MRPL10: variants seen among roughly 807,000 people sequenced by gnomAD.
MRPL10 encodes mitochondrial ribosomal protein L10, also known as large ribosomal subunit protein uL10m.
In MRPL10, 14 loss-of-function variants were observed where a neutral mutation model predicts 19.8. The ratio of observed to expected loss-of-function variants is 0.71; its 90% CI spans 0.47 to 1.11. The LOEUF is 1.11. MRPL10 is among the 50% of genes least tolerant of loss of function. The pLI is 0.00. For synonymous variants in MRPL10, 129 were observed against 139.2 expected, an observed-to-expected ratio of 0.93 and a Z score of 0.52; for missense variants, 318 against 339.6, an observed-to-expected ratio of 0.94 and a Z score of 0.50.
At position 47,824,142 on chromosome 17, in the gene MRPL10, T is replaced by G; in HGVS notation, c.*63A>C. 3 of 1,604,352 alleles carry G rather than the reference T, an allele frequency of 1.9e-6. No homozygotes were observed. Among genetic ancestry groups the G allele is most frequent in the Non-Finnish European group, 2.6e-6 (3 of 1,173,804 alleles). Reference sequence around the variant, plus strand: ...ACCCCAAGTTCTTCCACATGTCCCATTGAGGAGAGCACAGCCAATAACGCA... The same window carrying G: ...ACCCCAAGTTCTTCCACATGTCCCAGTGAGGAGAGCACAGCCAATAACGCA... On this transcript the variant is annotated 3_prime_UTR_variant, in exon 5 of 5. Coordinates refer to ENST00000351111, the MANE Select transcript of MRPL10 (RefSeq NM_145255.4).
chr17:47,830,067 C>T (rs1031809094), intron 1 of MRPL10, among the ~76,000 whole-genome samples: 4 of 152,188 alleles, frequency 2.6e-5, no homozygotes, highest in African/African-American at 9.7e-5. Flanking sequence ...AAATAGTGTT[C>T]TAACAAGCCC....
intron 2 of MRPL10, among the ~76,000 whole-genome samples, chr17:47,827,460 G>C (rs186293146): frequency 6.6e-6 from 1 of 152,090 alleles, no homozygotes; most frequent in Non-Finnish European, 1.5e-5. Context: ...CCACTCCCCC[G>C]AAAACAGGCC....
chr17:47,828,874 T>G (rs2033579746), intron 1 of MRPL10, among the ~76,000 whole-genome samples: 1 of 152,238 alleles, frequency 6.6e-6, no homozygotes, highest in South Asian at 2.1e-4. Context: ...GGTCAATTAC[T>G]TAATCTCTTG....
chr17:47,831,367 A>G lies in MRPL10; in HGVS notation c.52+93T>C, dbSNP rs746739572. 5 of 1,542,032 alleles carry G rather than the reference A, an allele frequency of 3.2e-6. No homozygotes were observed. The South Asian group carries it at 4.8e-5, about 15-fold the overall frequency. On this transcript the variant is annotated intron_variant, in intron 1 of 4. Transcript: ENST00000351111. ...GGAGGCCAGCGATCTAGCTGGGGTC[A>G]GAGATTATGGGAAGAATCAGTAGTA... is the stretch of plus-strand genomic sequence containing the variant.
chr17:47,830,988 G>C (rs867043653), intron 1 of MRPL10, among the ~76,000 whole-genome samples: 1 of 152,330 alleles, frequency 6.6e-6, no homozygotes, highest in South Asian at 2.1e-4. Flanking sequence ...AGTTATCACA[G>C]TGCCTGGCCT....
rs2143581264 is a variant in MRPL10, at chr17:47,824,112, C to T, written c.*93G>A. 2 of 1,554,444 alleles carry T rather than the reference C, an allele frequency of 1.3e-6. 1 individual carries two copies. Among genetic ancestry groups the T allele is most frequent in the South Asian group, 2.3e-5 (2 of 85,320 alleles). On this transcript the variant is annotated 3_prime_UTR_variant, in exon 5 of 5. Coordinates refer to ENST00000351111, the MANE Select transcript of MRPL10 (RefSeq NM_145255.4). ...GTGAAAACCAAGTGACAAACACACT[C>T]CCCGACCCCAAGTTCTTCCACATGT...
chr17:47,825,497 C>T (rs754904677), intron 4 of MRPL10, among the ~76,000 whole-genome samples: 6 of 152,054 alleles, frequency 3.9e-5, no homozygotes, highest in Non-Finnish European at 5.9e-5. Context: ...TGGTGGCATG[C>T]GCCTGTAGTC....
chr17:47,827,806 A>T (rs945425628), intron 2 of MRPL10, among the ~76,000 whole-genome samples: 5 of 146,928 alleles, frequency 3.4e-5, no homozygotes, highest in African/African-American at 1.3e-4. Flanking sequence ...GCTGAGGCAG[A>T]GAATCGCTTG....
rs1193389560 is a variant in MRPL10, at chr17:47,828,669, G to T, written c.54C>A (p.Gly18=). ...MLRGGLLPQA[G]RLPTLQTVRY... is the part of the protein sequence containing the mutation. ...GGACAGTCTGGAGGGTAGGCAGCCG[G>T]CCTGGGAGGGCATATAGCAACATGG... Residue 18 remains glycine (G), a splice_region_variant and synonymous_variant, in exon 2 of 5, where the codon GGC becomes GGA. Coordinates refer to ENST00000351111, the MANE Select transcript of MRPL10 (RefSeq NM_145255.4). 1.3e-6 allele frequency: 2 copies of T among 1,511,380 alleles called. No individual in the cohort carries two copies. Among genetic ancestry groups the T allele is most frequent in the Non-Finnish European group, 1.8e-6 (2 of 1,141,940 alleles). The allele number at this position is 1,511,380 out of a possible 1,614,324, so 93.6% of individuals were successfully genotyped here.
At chr17:47,830,479 C>T (rs1567951663) in intron 1 of MRPL10, among the ~76,000 whole-genome samples, 1 of 151,618 alleles carries the variant, frequency 6.6e-6, no homozygotes, top group Admixed American at 6.6e-5. Flanking sequence ...GTTAAGACTG[C>T]AGGCAGGCTT....
rs1479334355 is a variant in MRPL10 at position 47,824,265 on chromosome 17, C to G, written c.726G>C (p.Glu242Asp). 1.9e-6 allele frequency: 3 copies of G among 1,614,056 alleles called. No individual in the cohort carries two copies. The highest frequency in any genetic ancestry group is 2.5e-6 in the Non-Finnish European group (3 of 1,180,046). The change falls in exon 5 of 5, where the codon GAG becomes GAC. Residue 242 changes from glutamate (E) to aspartate (D), a missense_variant. By Grantham distance (45) the Glu-to-Asp change is conservative. Coordinates refer to ENST00000351111, the MANE Select transcript of MRPL10 (RefSeq NM_145255.4). ...CATTGGCCGACATGACAGAATCCTT[C>G]TCGCGTTGCTCTCTGATGTACTGGT... is the stretch of plus-strand genomic sequence containing the variant. ...LLDQYIREQR[E>D]KDSVMSANGK...
rs759248414 is a variant in MRPL10 at position 47,824,470 on chromosome 17, C to T, written c.533-12G>A. 1.3e-6 allele frequency: 2 copies of T among 1,524,158 alleles called. No homozygotes were observed. Among genetic ancestry groups the T allele is most frequent in the Non-Finnish European group, 1.8e-6 (2 of 1,138,344 alleles). 94.4% of individuals were successfully genotyped at this position (1,524,158 alleles called of 1,614,324 possible). A position where few individuals can be genotyped will look rare whatever the true frequency, so the allele number is the denominator to read the frequency against. Reference sequence around the variant, plus strand: ...ATCAATGCAGCCACCTGGAAGAACACAGGGTCAGTTAGGCTCCTTGCAGAT... The same window carrying T: ...ATCAATGCAGCCACCTGGAAGAACATAGGGTCAGTTAGGCTCCTTGCAGAT... On this transcript the variant is annotated splice_polypyrimidine_tract_variant and intron_variant, in intron 4 of 4. Coordinates refer to ENST00000351111, the MANE Select transcript of MRPL10 (RefSeq NM_145255.4).
In MRPL10 at chr17:47,824,237, T is replaced by C; in HGVS notation, c.754A>G (p.Lys252Glu). 1 of 1,614,162 alleles carries C rather than the reference T, an allele frequency of 6.2e-7. No homozygotes were observed. Among genetic ancestry groups the C allele is most frequent in the Non-Finnish European group, 8.5e-7 (1 of 1,180,014 alleles). Residue 252 changes from lysine to glutamate, a missense_variant, in exon 5 of 5, where the codon AAG (lysine) becomes GAG (glutamate). Physicochemically the swap from Lys to Glu is moderately conservative, Grantham distance 56 (BLOSUM62 1). Coordinates refer to ENST00000351111, the MANE Select transcript of MRPL10 (RefSeq NM_145255.4). ...EKDSVMSANGKPDPDTVPDS is the reference protein window; with the variant it reads ...EKDSVMSANGEPDPDTVPDS ...TCCGGAACAGTGTCAGGATCTGGCT[T>C]CCCATTGGCCGACATGACAGAATCC... is the stretch of plus-strand genomic sequence containing the variant.
intron 2 of MRPL10, 98 bp from the exon 3 acceptor site, chr17:47,827,302 C>A: frequency 9.6e-7 from 1 of 1,044,402 alleles, no homozygotes; most frequent in Admixed American, 2.7e-5. Context: ...CAGTGATGTC[C>A]AGATGTGCAA....
intron 4 of MRPL10, among the ~76,000 whole-genome samples, chr17:47,824,803 CAGG>C (rs1469990975): frequency 6.6e-6 from 1 of 151,968 alleles, no homozygotes; most frequent in Admixed American, 6.6e-5. Context: ...CACCTGAGGT[CAGG>C]AGTTCAAGAC....
chr17:47,828,691 A>G, intron 1 of MRPL10, 21 bp from the exon 2 acceptor site: 2 of 1,503,770 alleles, frequency 1.3e-6, no homozygotes, highest in East Asian at 5.4e-5. Flanking sequence ...ATATAGCAAC[A>G]TGGTTAGAGG....
At chr17:47,826,526 C>T in intron 4 of MRPL10, 111 bp downstream of exon 4, 9 of 1,361,572 alleles carry the variant, frequency 6.6e-6, no homozygotes, top group South Asian at 2.6e-5. Flanking sequence ...AGGCTCCATC[C>T]GTGAAAGGAT....
At chr17:47,829,710 G>A (rs2033594041) in intron 1 of MRPL10, 1 of 152,216 alleles carries the variant, frequency 6.6e-6, no homozygotes, top group Non-Finnish European at 1.5e-5. Context: ...CCAACATGGT[G>A]AAACCCCGTC....
chr17:47,831,494 C>G lies in MRPL10; in HGVS notation c.18G>C (p.Ala6=). Residue 6 remains alanine, a synonymous_variant, in exon 1 of 5, where the codon GCG becomes GCC. Transcript: ENST00000351111. ...GCAGGAGACCCCCTCGCAGCATCCC[C>G]GCCACGGCCGCAGCCATCTCCACCG... MAAAV[A]GMLRGGLLPQ... 1 of 1,550,062 alleles carries G rather than the reference C, an allele frequency of 6.5e-7. No homozygotes were observed. The highest frequency in any genetic ancestry group is 8.7e-7 in the Non-Finnish European group (1 of 1,146,746).
Sources: gnomAD v4.1 joint callset for allele counts (sites outside exome capture counted in the v4.1 genomes callset) on GRCh38, gnomAD v4.1.1 for gene constraint, MANE v1.5 for transcripts, NCBI Gene and HGNC (gene_info 2026-07-23, HGNC 2026-07-21) for gene names.